Variants in POLR1B observed in about 807,000 individuals in gnomAD.
POLR1B encodes the protein DNA-directed RNA polymerase I subunit RPA2.
Under a neutral mutation model 105.8 loss-of-function variants are expected in POLR1B, and 30 were observed. That is an observed-to-expected ratio of 0.28 (90% CI 0.21 to 0.38). POLR1B has a LOEUF of 0.38. Ranked by LOEUF, POLR1B falls within the 10% of genes least tolerant of loss-of-function variation. The pLI is 1.00. For missense variants in POLR1B, 976 were observed against 1,435.8 expected (o/e 0.68, Z 5.17); for synonymous variants, 485 against 505.1 (o/e 0.96, Z 0.53).
At chr2:112,556,076 G>A (rs972275182) in intron 7 of POLR1B, among the ~76,000 whole-genome samples, 2 of 152,180 alleles carry the variant, frequency 1.3e-5, no homozygotes, top group African/African-American at 4.8e-5. Flanking sequence ...AAGATCCAGG[G>A]CTTCTTATTC....
upstream of POLR1B, chr2:112,542,231 G>A (rs1019627565): frequency 2.0e-6 from 3 of 1,535,578 alleles, no homozygotes; most frequent in Middle Eastern, 1.7e-4. Flanking sequence ...GCGGGGAGAT[G>A]AGTGGGGCGG....
chr2:112,562,653 AGT>A (rs1684050478), intron 9 of POLR1B, among the ~76,000 whole-genome samples: 1 of 151,634 alleles, frequency 6.6e-6, no homozygotes, highest in African/African-American at 2.4e-5. Context: ...GTCTTGCCTC[AGT>A]GTTGCTGGCT....
intron 10 of POLR1B, among the ~76,000 whole-genome samples, chr2:112,566,600 T>C (rs73955242): frequency 0.017 from 2,631 of 152,304 alleles, 73 homozygotes; most frequent in African/African-American, 0.06. Flanking sequence ...ATTTTGATGC[T>C]CAGAAAGTGT....
chr2:112,573,061 G>T (rs6734172), intron 13 of POLR1B, among the ~76,000 whole-genome samples: 34,259 of 152,126 alleles, frequency 0.23, 4,045 homozygotes, highest in Middle Eastern at 0.27. Flanking sequence ...AGCTATTTCT[G>T]TGTGCCTGGG....
In POLR1B at chr2:112,557,900, CT is replaced by C; in HGVS notation, c.1159-8del. ...TACTATTTTATATTAATTTTTTTTC[CT>C]TATTTCAGGAAAAACTGGAAGGTTG... On this transcript the variant is annotated splice_polypyrimidine_tract_variant and intron_variant, in intron 7 of 14. Coordinates refer to ENST00000263331, the MANE Select transcript of POLR1B (RefSeq NM_019014.6). 8.0e-7 allele frequency: 1 copy of C among 1,257,020 alleles called. No individual in the cohort carries two copies. The highest frequency in any genetic ancestry group is 1.0e-6 in the Non-Finnish European group (1 of 975,216). The allele number at this position is 1,257,020 out of a possible 1,614,324, so 77.9% of individuals were successfully genotyped here.
At chr2:112,551,039 A>G (rs1558655109) in intron 5 of POLR1B, 37 bp downstream of exon 5, 13 of 1,589,216 alleles carry the variant, frequency 8.2e-6, no homozygotes, top group Non-Finnish European at 1.1e-5. Flanking sequence ...GTTATGAAGA[A>G]ATTCACTGGG....
At chr2:112,542,149 C>T (rs1293328090), upstream of POLR1B, 27 of 1,535,576 alleles carry the variant, frequency 1.8e-5, no homozygotes, top group Non-Finnish European at 2.3e-5. Flanking sequence ...ATTGACTGAG[C>T]CAATGAGAGC....
intron 11 of POLR1B, 68 bp downstream of exon 11, chr2:112,568,205 A>G: frequency 5.5e-6 from 8 of 1,441,698 alleles, no homozygotes; most frequent in Non-Finnish European, 7.6e-6. Context: ...TCAGAGACTT[A>G]ACTCTTCCTT....
At chr2:112,569,011 C>A in intron 12 of POLR1B, 109 bp downstream of exon 12, 1 of 1,197,248 alleles carries the variant, frequency 8.4e-7, no homozygotes, top group Non-Finnish European at 1.1e-6. Flanking sequence ...TCCAAAAATA[C>A]AGTTTATGGC....
At chr2:112,563,509 T>C (rs1035384932) in intron 9 of POLR1B, among the ~76,000 whole-genome samples, 1 of 152,256 alleles carries the variant, frequency 6.6e-6, no homozygotes, top group Non-Finnish European at 1.5e-5. Context: ...ACCCTGCCGC[T>C]GTTTTATCAA....
chr2:112,561,736 CAT>C (rs764621456), intron 9 of POLR1B, among the ~76,000 whole-genome samples: 3 of 152,190 alleles, frequency 2.0e-5, no homozygotes, highest in Admixed American at 6.5e-5. Flanking sequence ...ATCTAACACA[CAT>C]GTTTTTCTGT....
At position 112,578,937 on chromosome 2, in the gene POLR1B, G is replaced by GT; in HGVS notation, c.*3209dup. Among the ~76,000 whole-genome samples the GT allele has an allele frequency of 6.6e-6, 1 of 152,292 alleles. No individual in the cohort carries two copies. The highest frequency in any genetic ancestry group is 2.4e-5 in the African/African-American group (1 of 41,570). ...CATAAAGCAAAACTGGCTGGGTGCG[G>GT]TGGTGCACACCTGTAATCCCAGGAC... On this transcript the variant is annotated 3_prime_UTR_variant, in exon 15 of 15. Transcript: ENST00000263331.
At chr2:112,567,625 C>T (rs1312594221) in intron 10 of POLR1B, among the ~76,000 whole-genome samples, 6 of 152,166 alleles carry the variant, frequency 3.9e-5, no homozygotes, top group South Asian at 2.1e-4. Context: ...GTGATCCACC[C>T]ACTTTGGCCT....
At position 112,552,687 on chromosome 2, in the gene POLR1B, T is replaced by G. The variant is rs759667174; in HGVS notation, c.1029T>G (p.Phe343Leu). Residue 343 changes from phenylalanine to leucine, a missense_variant, in exon 7 of 15, where the codon TTT (phenylalanine) becomes TTG (leucine). Phe to Leu is a conservative substitution (Grantham distance 22). Around this residue, in one of 12 missense-constraint regions of POLR1B, gnomAD observed 452 missense variants for 616.5 expected, o/e 0.73. Coordinates refer to ENST00000263331, the MANE Select transcript of POLR1B (RefSeq NM_019014.6). ...CIHLKSNTEKFYMLCLMTRKL... is the reference protein window; with the variant it reads ...CIHLKSNTEKLYMLCLMTRKL... ...ACTTGAAATCCAATACTGAAAAGTTTTATATGCTTTGTCTCATGACGCGAA... is the reference window on the plus strand; with the variant it reads ...ACTTGAAATCCAATACTGAAAAGTTGTATATGCTTTGTCTCATGACGCGAA... 4 of 1,610,136 alleles carry G rather than the reference T, an allele frequency of 2.5e-6. No individual in the cohort carries two copies. Among genetic ancestry groups the G allele is most frequent in the African/African-American group, 2.7e-5 (2 of 74,654 alleles).
chr2:112,572,350 C>T (rs1390410150), intron 12 of POLR1B, among the ~76,000 whole-genome samples: 1 of 152,218 alleles, frequency 6.6e-6, no homozygotes, highest in Non-Finnish European at 1.5e-5. Context: ...TTCTCCCACT[C>T]AGCATGGTTT....
chr2:112,573,309 G>C (rs182562318), intron 13 of POLR1B, among the ~76,000 whole-genome samples: 18 of 152,256 alleles, frequency 1.2e-4, no homozygotes, highest in African/African-American at 2.6e-4. Context: ...CACCATGTTG[G>C]CCAGGCTGGT....
chr2:112,564,512 C>G lies in POLR1B; in HGVS notation c.1746+13C>G. 1 of 1,614,188 alleles carries G rather than the reference C, an allele frequency of 6.2e-7. No homozygotes were observed. The highest frequency in any genetic ancestry group is 8.5e-7 in the Non-Finnish European group (1 of 1,179,996). On this transcript the variant is annotated intron_variant, in intron 10 of 14. Transcript: ENST00000263331. ...TCGTCATTTTAAGGTGGGCTTGAGG[C>G]TTTGTGAATTGTCCTATCCCTTGAC...
At chr2:112,568,219 TA>T in intron 11 of POLR1B, 82 bp downstream of exon 11, 1 of 1,353,762 alleles carries the variant, frequency 7.4e-7, no homozygotes, top group Non-Finnish European at 1.0e-6. Context: ...CTTCCTTTTT[TA>T]AAAGGGTTGT....
chr2:112,563,335 G>A (rs150338204), intron 9 of POLR1B, among the ~76,000 whole-genome samples: 4 of 152,094 alleles, frequency 2.6e-5, no homozygotes, highest in South Asian at 2.1e-4. Context: ...GATTACAGGC[G>A]TGAGCCACCA....
Sources: allele counts gnomAD v4.1 joint callset (sites outside exome capture counted in the v4.1 genomes callset), GRCh38; gene constraint gnomAD v4.1.1; regional missense constraint gnomAD v4.1.1; transcripts MANE v1.5; gene names NCBI Gene and HGNC (gene_info 2026-07-23, HGNC 2026-07-21).